The following URGCP variants were observed in gnomAD, a reference collection of about 807,000 sequenced individuals.
URGCP encodes the protein up-regulator of cell proliferation.
A neutral mutation model predicts 24.6 loss-of-function variants in URGCP; 13 were observed. The observed-to-expected ratio is 0.53, with a 90% CI of 0.34 to 0.84. The LOEUF (loss-of-function observed/expected upper bound fraction) is 0.84, where lower values mean the gene tolerates loss of function less well. Ranked by LOEUF, URGCP falls within the 40% of genes least tolerant of loss-of-function variation. The pLI is 0.01. For missense variants in URGCP, 899 were observed against 1,194.3 expected, an observed-to-expected ratio of 0.75 and a Z score of 3.64; for synonymous variants, 444 against 487.2, an observed-to-expected ratio of 0.91 and a Z score of 1.17.
At chr7:43,901,075 T>C (rs1370782295) in intron 1 of URGCP, among the ~76,000 whole-genome samples, 2 of 152,228 alleles carry the variant, frequency 1.3e-5, no homozygotes, top group African/African-American at 2.4e-5. Context: ...CTCTCTATAC[T>C]AGAAATAACA....
intron 1 of URGCP, among the ~76,000 whole-genome samples, chr7:43,922,155 C>T (rs1309613400): frequency 1.3e-5 from 2 of 152,196 alleles, no homozygotes; most frequent in Non-Finnish European, 2.9e-5. Flanking sequence ...ACCTCCACCT[C>T]CCAGGTTCAA....
At position 43,878,968 on chromosome 7, in the gene URGCP, A is replaced by C; in HGVS notation, c.495T>G (p.Ala165=). The C allele has an allele frequency of 6.2e-7, 1 of 1,614,260 alleles. No homozygotes were observed. The highest frequency in any genetic ancestry group is 1.3e-5 in the African/African-American group (1 of 75,076). Residue 165 remains alanine, a synonymous_variant, in exon 6 of 6, where the codon GCT becomes GCG. Coordinates refer to ENST00000453200, the MANE Select transcript of URGCP (RefSeq NM_001077663.3). The surrounding 1 kb of genome is among the most constrained non-coding windows in gnomAD (Gnocchi z 5.6). ...GCTCAGAAAAGGAATAAATGTCGGCAGCAAGGTCATCAGCTGGGTCCCAGT... is the reference window on the plus strand; with the variant it reads ...GCTCAGAAAAGGAATAAATGTCGGCCGCAAGGTCATCAGCTGGGTCCCAGT... The part of the protein sequence containing the change: ...IIYWDPADDL[A]ADIYSFSELP...
intron 1 of URGCP, among the ~76,000 whole-genome samples, chr7:43,894,922 T>C (rs1454025476): frequency 6.6e-6 from 1 of 152,048 alleles, no homozygotes. Flanking sequence ...TCCCAGCTAC[T>C]TGAGAGGCTG....
chr7:43,882,140 C>CT (rs2095854908), intron 3 of URGCP, 183 bp from the exon 4 acceptor site: 5 of 1,026,058 alleles, frequency 4.9e-6, no homozygotes, highest in Non-Finnish European at 5.3e-6. Flanking sequence ...TCTACAAAGA[C>CT]TTTTTTTAAA....
chr7:43,911,383 G>C (rs2095909910), upstream of URGCP, among the ~76,000 whole-genome samples: 1 of 151,204 alleles, frequency 6.6e-6, no homozygotes, highest in African/African-American at 2.4e-5. Context: ...CTGGGTGACA[G>C]AGCGAGACTC....
chr7:43,881,383 C>T lies in URGCP; in HGVS notation c.202+276G>A, dbSNP rs922805886. 4.8e-6 allele frequency: 3 copies of T among 618,680 alleles called. No homozygotes were observed. The Admixed American group carries it at 8.9e-5, about 18-fold the overall frequency. 38.3% of individuals were successfully genotyped at this position (618,680 alleles called of 1,614,324 possible). Reference sequence around the variant, plus strand: ...AAAATGAAACATCTCTGGGTTTCACCTCCAAACATGCTAACTTATTAAAGG... The same window carrying T: ...AAAATGAAACATCTCTGGGTTTCACTTCCAAACATGCTAACTTATTAAAGG... On this transcript the variant is annotated intron_variant, in intron 5 of 5. Transcript: ENST00000453200.
chr7:43,881,421 T>C, intron 5 of URGCP: 1 of 613,960 alleles, frequency 1.6e-6, no homozygotes, highest in Non-Finnish European at 2.8e-6. Flanking sequence ...GTGAGTATGT[T>C]GGGTGGTGGA....
rs1467142341 is a variant in URGCP, at chr7:43,878,326, T to A, written c.1137A>T (p.Ser379=). The change falls in exon 6 of 6, where the codon TCA becomes TCT. Residue 379 remains serine, a synonymous_variant. Coordinates refer to ENST00000453200, the MANE Select transcript of URGCP (RefSeq NM_001077663.3). The surrounding 1 kb of genome is among the most constrained non-coding windows in gnomAD (Gnocchi z 5.6). ...EYKLLYSMKE[S]TTKYYFILSP... is the part of the protein sequence containing the mutation. ...TCAGGATGAAGTAGTATTTTGTGGT[T>A]GACTCCTTCATGGAGTACAGCAATT... The A allele has an allele frequency of 3.1e-6, 5 of 1,614,110 alleles. No individual in the cohort carries two copies. Among genetic ancestry groups the A allele is most frequent in the Non-Finnish European group, 4.2e-6 (5 of 1,180,042 alleles).
At chr7:43,913,680 G>A (rs372552237) in intron 1 of URGCP, among the ~76,000 whole-genome samples, 8 of 151,860 alleles carry the variant, frequency 5.3e-5, no homozygotes, top group East Asian at 3.9e-4. Flanking sequence ...TTTGGCTTTC[G>A]AAAGTTTTAT....
chr7:43,895,798 T>C (rs1396044472), intron 1 of URGCP, among the ~76,000 whole-genome samples: 2 of 152,176 alleles, frequency 1.3e-5, no homozygotes, highest in Non-Finnish European at 2.9e-5. Flanking sequence ...TCTCAAAAAC[T>C]AAAAATAAAA....
chr7:43,877,108 G>A lies in URGCP; in HGVS notation c.2355C>T (p.Thr785=), dbSNP rs749904185. The change falls in exon 6 of 6, where the codon ACC becomes ACT. Residue 785 remains threonine (T), a synonymous_variant. Coordinates refer to ENST00000453200, the MANE Select transcript of URGCP (RefSeq NM_001077663.3). ...CCTTGGTTTCAGCTAGACTGATCAC[G>A]GTGACATTGCTCAGTCCCATGAGCA... ...ATLLMGLSNV[T]VISLAETKDI... 1.4e-5 allele frequency: 22 copies of A among 1,614,226 alleles called. No individual in the cohort carries two copies. The highest frequency in any genetic ancestry group is 6.6e-5 in the South Asian group (6 of 91,086).
intron 1 of URGCP, chr7:43,889,664 T>G (rs1295639315): frequency 1.3e-5 from 2 of 152,260 alleles, no homozygotes; most frequent in African/African-American, 4.8e-5. Flanking sequence ...TCTCCTCCTC[T>G]TAATCTACTC....
intron 3 of URGCP, among the ~76,000 whole-genome samples, chr7:43,885,451 CTTGCT>C (rs2095860729): frequency 6.6e-6 from 1 of 152,020 alleles, no homozygotes; most frequent in Non-Finnish European, 1.5e-5. Flanking sequence ...GGCTTAAAAC[CTTGCT>C]TTAAGTCTTT....
intron 1 of URGCP, among the ~76,000 whole-genome samples, chr7:43,921,500 G>A (rs1023583233): frequency 2.6e-5 from 4 of 152,186 alleles, no homozygotes; most frequent in African/African-American, 7.2e-5. Flanking sequence ...ATGCAAATGT[G>A]AACAGGTGGT....
intron 1 of URGCP, among the ~76,000 whole-genome samples, chr7:43,904,234 C>T (rs1421648520): frequency 6.6e-6 from 1 of 152,246 alleles, no homozygotes; most frequent in Non-Finnish European, 1.5e-5. Context: ...CACACTGGGC[C>T]ATGGGGCATT....
rs764679083 is a variant in URGCP, at chr7:43,878,566, G to A, written c.897C>T (p.Asn299=). Residue 299 remains asparagine, a synonymous_variant, in exon 6 of 6, where the codon AAC becomes AAT. Coordinates refer to ENST00000453200, the MANE Select transcript of URGCP (RefSeq NM_001077663.3). The surrounding 1 kb of genome is among the most constrained non-coding windows in gnomAD (Gnocchi z 5.6). Reference sequence around the variant, plus strand: ...AAATCTCCCGGGCATTGGTGCCCAAGTTGAGGTCCCGATGCCAGAAGCAGT... The same window carrying A: ...AAATCTCCCGGGCATTGGTGCCCAAATTGAGGTCCCGATGCCAGAAGCAGT... ...QWDCFWHRDL[N]LGTNAREISD... 3.1e-6 allele frequency: 5 copies of A among 1,614,110 alleles called. No homozygotes were observed. Among genetic ancestry groups the A allele is most frequent in the Non-Finnish European group, 4.2e-6 (5 of 1,180,056 alleles).
At chr7:43,923,330 G>A (rs2132735364) in intron 1 of URGCP, among the ~76,000 whole-genome samples, 1 of 146,644 alleles carries the variant, frequency 6.8e-6, no homozygotes, top group South Asian at 2.2e-4. Flanking sequence ...TCTGTCTCCT[G>A]GGCTGGAGTA....
chr7:43,880,851 T>C (rs971687956), intron 5 of URGCP, among the ~76,000 whole-genome samples: 1 of 152,186 alleles, frequency 6.6e-6, no homozygotes, highest in African/African-American at 2.4e-5. Flanking sequence ...AGATAAACCA[T>C]GAAAGGAAAC....
At chr7:43,919,704 A>T in intron 1 of URGCP, 1 of 1,369,962 alleles carries the variant, frequency 7.3e-7, no homozygotes, top group Non-Finnish European at 1.0e-6. Context: ...GGTCCACAAG[A>T]GCCTGCAGAG....
Sources: gnomAD v4.1 joint callset for allele counts (sites outside exome capture counted in the v4.1 genomes callset) on GRCh38, gnomAD v4.1.1 for gene constraint, Gnocchi (gnomAD v3.1) non-coding constraint, MANE v1.5 for transcripts, NCBI Gene and HGNC (gene_info 2026-07-23, HGNC 2026-07-21) for gene names.